The following IGSF21 variants were observed in gnomAD, a reference collection of about 807,000 sequenced individuals.
IGSF21 encodes the protein immunoglobin superfamily member 21.
In IGSF21, 28 loss-of-function variants were observed where a neutral mutation model predicts 46.8. The ratio of observed to expected loss-of-function variants is 0.60; its 90% CI spans 0.44 to 0.82. The LOEUF (loss-of-function observed/expected upper bound fraction) is 0.82. IGSF21 is among the 40% of genes least tolerant of loss of function. The probability of loss-of-function intolerance (pLI) is 0.00; values close to 1 mark genes in which losing one functional copy is unlikely to be tolerated. For synonymous variants in IGSF21, 284 were observed against 273.6 expected, an observed-to-expected ratio of 1.04 and a Z score of -0.38; for missense variants, 624 against 665.5, an observed-to-expected ratio of 0.94 and a Z score of 0.69.
chr1:18,144,313 C>T (rs533537444), intron 1 of IGSF21, among the ~76,000 whole-genome samples: 18 of 152,228 alleles, frequency 1.2e-4, no homozygotes, highest in African/African-American at 4.1e-4. Flanking sequence ...GGCTCACAGA[C>T]CTCCATGCCC....
intron 1 of IGSF21, among the ~76,000 whole-genome samples, chr1:18,218,454 C>A (rs955784024): frequency 6.6e-6 from 1 of 152,198 alleles, no homozygotes; most frequent in Non-Finnish European, 1.5e-5. Flanking sequence ...CAAGGACTTC[C>A]AGCTCTGGTG....
intron 3 of IGSF21, among the ~76,000 whole-genome samples, chr1:18,293,954 A>T (rs1326735412): frequency 6.6e-6 from 1 of 152,176 alleles, no homozygotes; most frequent in African/African-American, 2.4e-5. Flanking sequence ...CTACCAGAAG[A>T]CCCAGATGAA....
At chr1:18,281,012 G>A (rs1031003910) in intron 2 of IGSF21, among the ~76,000 whole-genome samples, 10 of 152,146 alleles carry the variant, frequency 6.6e-5, no homozygotes, top group Non-Finnish European at 1.5e-4. Flanking sequence ...TGCTGCTAAT[G>A]TTTCTCTCCT....
rs1051230786 is a variant in IGSF21 at position 18,268,142 on chromosome 1, T to C, written c.184-23724T>C. On this transcript the variant is annotated intron_variant, in intron 2 of 9. Transcript: ENST00000251296. Reference sequence around the variant, plus strand: ...AACGACTTGGCCTCTCTACAAATCATGTTTTCAACCACACGGAGCAATATT... The same window carrying C: ...AACGACTTGGCCTCTCTACAAATCACGTTTTCAACCACACGGAGCAATATT... 7.2e-5 allele frequency among the ~76,000 whole-genome samples: 11 copies of C among 152,356 alleles called. No homozygotes were observed. The East Asian group carries it at 7.7e-4, about 11-fold the overall frequency.
At position 18,307,822 on chromosome 1, in the gene IGSF21, C is replaced by T. The variant is rs190057417; in HGVS notation, c.305+15835C>T. Among the ~76,000 whole-genome samples the T allele has an allele frequency of 1.1e-3, 162 of 152,284 alleles. 1 individual carries two copies. The highest frequency in any genetic ancestry group is 3.8e-3 in the African/African-American group (158 of 41,558). On this transcript the variant is annotated intron_variant, in intron 3 of 9. Coordinates refer to ENST00000251296, the MANE Select transcript of IGSF21 (RefSeq NM_032880.5). ...AGCTGCGGTGAGGGCTGTAGTGGTT[C>T]TCATCTTCAGGGTGCCTAAGCCAGC...
chr1:18,249,701 T>A (rs1326424749), intron 2 of IGSF21, among the ~76,000 whole-genome samples: 1 of 152,208 alleles, frequency 6.6e-6, no homozygotes, highest in Non-Finnish European at 1.5e-5. Context: ...AGAAGAAGTT[T>A]CAGTTTTTCA....
intron 1 of IGSF21, among the ~76,000 whole-genome samples, chr1:18,223,849 T>A (rs987260070): frequency 1.3e-5 from 2 of 152,206 alleles, no homozygotes; most frequent in Middle Eastern, 3.4e-3. Flanking sequence ...GCTAAACCTG[T>A]CTCTGCAGCC....
At chr1:18,119,734 A>G (rs1454477690) in intron 1 of IGSF21, among the ~76,000 whole-genome samples, 2 of 147,358 alleles carry the variant, frequency 1.4e-5, no homozygotes, top group Non-Finnish European at 3.0e-5. Context: ...CCAGCGAGCC[A>G]GAGGGGGCAA....
chr1:18,359,069 G>C (rs1191746711), intron 4 of IGSF21, among the ~76,000 whole-genome samples: 1 of 151,954 alleles, frequency 6.6e-6, no homozygotes, highest in African/African-American at 2.4e-5. Flanking sequence ...TTCAAGACCA[G>C]CTTGGACAAT....
chr1:18,157,500 G>A (rs539019457), intron 1 of IGSF21, among the ~76,000 whole-genome samples: 1 of 152,296 alleles, frequency 6.6e-6, no homozygotes, highest in Non-Finnish European at 1.5e-5. Context: ...CCACGCTGCA[G>A]CCCACAAGCT....
intron 1 of IGSF21, among the ~76,000 whole-genome samples, chr1:18,145,318 C>T (rs765813622): frequency 2.6e-5 from 4 of 152,150 alleles, no homozygotes; most frequent in Non-Finnish European, 5.9e-5. Flanking sequence ...GTTCTTGCCA[C>T]CAATTTCCTC....
chr1:18,285,920 G>A (rs2085208461), intron 2 of IGSF21, among the ~76,000 whole-genome samples: 1 of 152,172 alleles, frequency 6.6e-6, no homozygotes, highest in Non-Finnish European at 1.5e-5. Flanking sequence ...ATTACCGCAT[G>A]CCAAGCAATC....
intron 1 of IGSF21, among the ~76,000 whole-genome samples, chr1:18,118,275 CT>C (rs2086205247): frequency 6.6e-6 from 1 of 152,198 alleles, no homozygotes; most frequent in African/African-American, 2.4e-5. Flanking sequence ...TCTCTTCCTC[CT>C]TTTTTCCCTA....
chr1:18,148,056 C>A (rs2086486432), intron 1 of IGSF21, among the ~76,000 whole-genome samples: 2 of 152,034 alleles, frequency 1.3e-5, no homozygotes, highest in Non-Finnish European at 2.9e-5. Context: ...GATTGTGAGG[C>A]CTCCCCAGCC....
chr1:18,207,644 T>C (rs1384550270), intron 1 of IGSF21, among the ~76,000 whole-genome samples: 1 of 152,200 alleles, frequency 6.6e-6, no homozygotes, highest in Non-Finnish European at 1.5e-5. Flanking sequence ...CAGCAGACAA[T>C]TGCATATCAC....
chr1:18,326,624 T>G (rs1216739093), intron 3 of IGSF21, among the ~76,000 whole-genome samples: 2 of 152,222 alleles, frequency 1.3e-5, no homozygotes, highest in African/African-American at 2.4e-5. Flanking sequence ...ACAAAATGCT[T>G]TTTAAATCGG....
intron 6 of IGSF21, among the ~76,000 whole-genome samples, chr1:18,371,723 G>A (rs934113287): frequency 1.2e-4 from 19 of 152,174 alleles, no homozygotes; most frequent in Non-Finnish European, 2.2e-4. Flanking sequence ...TTGACTGGAA[G>A]GAGGCCTCTG....
Position 18,359,465 on chromosome 1 carries a change from AAGG to A in IGSF21, c.425-2648_425-2646del, listed in dbSNP as rs1283176386. Among the ~76,000 whole-genome samples the A allele has an allele frequency of 9.5e-3, 129 of 13,590 alleles. 2 individuals carry two copies. Among genetic ancestry groups the A allele is most frequent in the South Asian group, 0.062 (26 of 420 alleles). 8.9% of individuals were successfully genotyped at this position (13,590 alleles called of 152,430 possible). ...AAAAGAGAAAGAAAGAAAGAAAGGGAAGGAAGGAAGGAAGGAAGGAAGGAAGGA... is the reference window on the plus strand; with the variant it reads ...AAAAGAGAAAGAAAGAAAGAAAGGGAAAGGAAGGAAGGAAGGAAGGAAGGA... On this transcript the variant is annotated intron_variant, in intron 4 of 9. Coordinates refer to ENST00000251296, the MANE Select transcript of IGSF21 (RefSeq NM_032880.5).
At chr1:18,162,976 T>C (rs891565801) in intron 1 of IGSF21, among the ~76,000 whole-genome samples, 1 of 151,992 alleles carries the variant, frequency 6.6e-6, no homozygotes, top group Non-Finnish European at 1.5e-5. Context: ...TGGTGTCACA[T>C]TGGGGGTGGT....
Sources: allele counts gnomAD v4.1 joint callset (sites outside exome capture counted in the v4.1 genomes callset), GRCh38; gene constraint gnomAD v4.1.1; transcripts MANE v1.5; gene names NCBI Gene and HGNC (gene_info 2026-07-23, HGNC 2026-07-21).